Variants in ANO3 observed in about 807,000 individuals in gnomAD.
ANO3 encodes the protein anoctamin 3, also known as anoctamin-3.
Under a neutral mutation model 144.8 loss-of-function variants are expected in ANO3, and 99 were observed. The ratio of observed to expected loss-of-function variants is 0.68; its 90% CI spans 0.58 to 0.81. The LOEUF is 0.81. Among genes scored for constraint, ANO3 ranks in the 30% least tolerant of loss-of-function variants. The probability of loss-of-function intolerance (pLI) is 0.00; values close to 1 mark genes in which losing one functional copy is unlikely to be tolerated. For synonymous variants in ANO3, 414 were observed against 392.6 expected (o/e 1.05, Z -0.64); for missense variants, 905 against 1,202.2 (o/e 0.75, Z 3.66).
Position 26,634,260 on chromosome 11 carries a change from T to G in ANO3, c.1930T>G (p.Phe644Val), listed in dbSNP as rs1215026554. ...ENSFALKMFL[F>V]QFVNLNSSIF... ...CAGCTTCGCCCTGAAGATGTTCCTCTTCCAGTTTGTCAATTTAAACAGTTC... is the reference window on the plus strand; with the variant it reads ...CAGCTTCGCCCTGAAGATGTTCCTCGTCCAGTTTGTCAATTTAAACAGTTC... The change falls in exon 19 of 27, where the codon TTC (phenylalanine) becomes GTC (valine). Residue 644 changes from phenylalanine (F) to valine (V), a missense_variant. Around this residue, in one of 4 missense-constraint regions of ANO3, gnomAD observed 597 missense variants for 865.1 expected, o/e 0.69. Transcript: ENST00000256737. 1 of 1,613,900 alleles carries G rather than the reference T, an allele frequency of 6.2e-7. No homozygotes were observed. The highest frequency in any genetic ancestry group is 8.5e-7 in the Non-Finnish European group (1 of 1,179,950).
At chr11:26,390,702 GC>G (rs1251414899) in intron 1 of ANO3, among the ~76,000 whole-genome samples, 2 of 152,056 alleles carry the variant, frequency 1.3e-5, no homozygotes, top group African/African-American at 4.8e-5. Context: ...TAAGACACTG[GC>G]TGAATAAATT....
chr11:26,324,175 T>A (rs918375250), intron 1 of ANO3, among the ~76,000 whole-genome samples: 2 of 152,170 alleles, frequency 1.3e-5, no homozygotes, highest in Non-Finnish European at 2.9e-5. Context: ...AGAGGCTAAC[T>A]GAAAAATGTA....
chr11:26,246,746 G>T (rs1447555714), intron 1 of ANO3, among the ~76,000 whole-genome samples: 1 of 151,894 alleles, frequency 6.6e-6, no homozygotes, highest in East Asian at 1.9e-4. Context: ...CATGGGGGTG[G>T]GTTTTTCCTG....
chr11:26,224,435 T>C (rs987222773), intron 1 of ANO3, among the ~76,000 whole-genome samples: 1 of 152,252 alleles, frequency 6.6e-6, no homozygotes, highest in Non-Finnish European at 1.5e-5. Context: ...AAATAGTCCA[T>C]GTTGCTATAG....
intron 1 of ANO3, among the ~76,000 whole-genome samples, chr11:26,288,914 A>G (rs1258848828): frequency 6.6e-6 from 1 of 152,272 alleles, no homozygotes; most frequent in East Asian, 1.9e-4. Flanking sequence ...AATTTATTAC[A>G]ACTTAGCACA....
chr11:26,659,125 CAT>C (rs1853796516), intron 26 of ANO3, among the ~76,000 whole-genome samples: 1 of 151,356 alleles, frequency 6.6e-6, no homozygotes, highest in African/African-American at 2.4e-5. Flanking sequence ...CATACACAAA[CAT>C]GTATATGTAT....
intron 1 of ANO3, among the ~76,000 whole-genome samples, chr11:26,342,447 C>T (rs986132594): frequency 1.3e-5 from 2 of 151,572 alleles, no homozygotes; most frequent in Non-Finnish European, 2.9e-5. Flanking sequence ...TGCTCATCTG[C>T]CCTTTTCCTA....
At position 26,525,656 on chromosome 11, in the gene ANO3, C is replaced by T. The variant is rs146532706; in HGVS notation, c.714C>T (p.Asp238=). The change falls in exon 7 of 27, where the codon GAC becomes GAT. Residue 238 remains aspartate, a synonymous_variant. Coordinates refer to ENST00000256737, the MANE Select transcript of ANO3 (RefSeq NM_031418.4). Reference sequence around the variant, plus strand: ...TCAGGAAAAAATGCTATTACACTGACGGGAGGAGCAAATCAATGGGCAGGT... The same window carrying T: ...TCAGGAAAAAATGCTATTACACTGATGGGAGGAGCAAATCAATGGGCAGGT... ...MPFRKKCYYT[D]GRSKSMGRMQ... The T allele has an allele frequency of 4.9e-4, 788 of 1,609,678 alleles. 2 individuals are homozygous for T. In the African/African-American group the frequency reaches 8.6e-3, roughly 18 times the overall value.
chr11:26,356,842 T>C (rs1271618261), intron 1 of ANO3, among the ~76,000 whole-genome samples: 1 of 152,166 alleles, frequency 6.6e-6, no homozygotes, highest in African/African-American at 2.4e-5. Flanking sequence ...TGCTTCCTTA[T>C]ATTTTCAAGG....
At chr11:26,366,926 A>G (rs1856106263) in intron 1 of ANO3, among the ~76,000 whole-genome samples, 2 of 152,274 alleles carry the variant, frequency 1.3e-5, no homozygotes, top group Middle Eastern at 3.4e-3. Flanking sequence ...CCAATGGAAC[A>G]GAACAGAGCC....
intron 4 of ANO3, among the ~76,000 whole-genome samples, chr11:26,497,025 G>GACACACACAC (rs10597733): frequency 7.0e-6 from 1 of 142,946 alleles, no homozygotes; most frequent in African/African-American, 2.6e-5. Context: ...CATATATACA[G>GACACACACAC]ACACACACAC....
rs1564912028 is a variant in ANO3 at position 26,194,491 on chromosome 11, ATTTATTTAT to A, written c.154+5164_154+5172del. On this transcript the variant is annotated intron_variant, in intron 1 of 27. Coordinates refer to the ANO3 transcript ENST00000672621. Reference sequence around the variant, plus strand: ...GTGTGTGTGTGTGTGTGTGTGTATTATTTATTTATTTATTTATTTATTATTTGAGATGGA... The same window carrying A: ...GTGTGTGTGTGTGTGTGTGTGTATTATTATTTATTTATTATTTGAGATGGA... Among the ~76,000 whole-genome samples, 41 of 25,430 alleles carry A rather than the reference ATTTATTTAT, an allele frequency of 1.6e-3. 1 individual carries two copies. Among genetic ancestry groups the A allele is most frequent in the African/African-American group, 6.5e-3 (40 of 6,174 alleles). The allele number at this position is 25,430 out of a possible 152,430, so 16.7% of individuals were successfully genotyped here. A position where few individuals can be genotyped will look rare whatever the true frequency, so the allele number is the denominator to read the frequency against.
chr11:26,635,339 C>CT (rs67006054), intron 20 of ANO3, among the ~76,000 whole-genome samples: 22 of 151,196 alleles, frequency 1.5e-4, no homozygotes, highest in African/African-American at 4.6e-4. Context: ...AGTAATTTTC[C>CT]TTTTTTTTTA....
At position 26,468,207 on chromosome 11, in the gene ANO3, G is replaced by A. The variant is rs140156973; in HGVS notation, c.432+5059G>A. On this transcript the variant is annotated intron_variant, in intron 4 of 26. Transcript: ENST00000256737. ...CTACGGTAAAGAATCCATGGCATCC[G>A]TAGTGGGCATTAGTGAAGCTCAGCT... is the stretch of plus-strand genomic sequence containing the variant. 4.1e-4 allele frequency among the ~76,000 whole-genome samples: 62 copies of A among 152,056 alleles called. 1 individual carries two copies. Among genetic ancestry groups the A allele is most frequent in the African/African-American group, 6.3e-4 (26 of 41,534 alleles).
At chr11:26,324,864 A>T (rs760985865) in intron 1 of ANO3, among the ~76,000 whole-genome samples, 3 of 152,222 alleles carry the variant, frequency 2.0e-5, no homozygotes, top group Non-Finnish European at 4.4e-5. Flanking sequence ...TTTCTGGGTG[A>T]TCACGTATTA....
At chr11:26,447,958 T>G (rs1313435467) in intron 3 of ANO3, among the ~76,000 whole-genome samples, 1 of 152,208 alleles carries the variant, frequency 6.6e-6, no homozygotes, top group Non-Finnish European at 1.5e-5. Flanking sequence ...GCCTGATGCT[T>G]GATTCTTCCC....
intron 1 of ANO3, among the ~76,000 whole-genome samples, chr11:26,397,528 A>C (rs1857046207): frequency 6.6e-6 from 1 of 152,122 alleles, no homozygotes; most frequent in Non-Finnish European, 1.5e-5. Context: ...CTTTGAAAGA[A>C]TGTCACAATA....
rs945773632 is a variant in ANO3, at chr11:26,660,674, A to G, written c.*230A>G. ...GGTTAGATTGACATTGCAGGAAGCC[A>G]GGATGTAATTCTCAGAACCAGTCTC... On this transcript the variant is annotated 3_prime_UTR_variant, in exon 27 of 27. Transcript: ENST00000256737. The G allele has an allele frequency of 2.4e-5, 11 of 450,370 alleles. No individual in the cohort carries two copies. The highest frequency in any genetic ancestry group is 3.9e-5 in the Non-Finnish European group (10 of 257,102). The allele number at this position is 450,370 out of a possible 1,614,324, so 27.9% of individuals were successfully genotyped here.
At chr11:26,628,325 C>T (rs1410277670) in intron 18 of ANO3, among the ~76,000 whole-genome samples, 2 of 152,090 alleles carry the variant, frequency 1.3e-5, no homozygotes, top group African/African-American at 2.4e-5. Context: ...ACTATTAATT[C>T]CAAGAAACAG....
Sources: allele counts gnomAD v4.1 joint callset (sites outside exome capture counted in the v4.1 genomes callset), GRCh38; gene constraint gnomAD v4.1.1; regional missense constraint gnomAD v4.1.1; transcripts MANE v1.5; gene names NCBI Gene and HGNC (gene_info 2026-07-23, HGNC 2026-07-21).